The following FREM1 variants were observed in gnomAD, a reference collection of about 807,000 sequenced individuals.
FREM1 encodes FRAS1 related extracellular matrix 1.
Under a neutral mutation model 210.1 loss-of-function variants are expected in FREM1, and 220 were observed. The ratio of observed to expected loss-of-function variants is 1.05; its 90% CI spans 0.94 to 1.17. The LOEUF (loss-of-function observed/expected upper bound fraction) is 1.17. Ranked by LOEUF, FREM1 falls within the 50% of genes most tolerant of loss-of-function variation. FREM1 has a pLI of 0.00. For synonymous variants in FREM1, 1,189 were observed against 980.2 expected (o/e 1.21, Z -3.98); for missense variants, 3,454 against 2,675.5 (o/e 1.29, Z -6.42).
intron 10 of FREM1, among the ~76,000 whole-genome samples, chr9:14,829,721 C>T (rs1242216833): frequency 6.6e-6 from 1 of 152,158 alleles, no homozygotes; most frequent in African/African-American, 2.4e-5. Context: ...TTATAAATTA[C>T]CCAGTCTGTA....
At chr9:14,791,898 T>C (rs1030446567) in intron 22 of FREM1, among the ~76,000 whole-genome samples, 4 of 152,116 alleles carry the variant, frequency 2.6e-5, no homozygotes, top group Non-Finnish European at 4.4e-5. Context: ...AGCAGCACAA[T>C]CTCAGCTCAC....
intron 28 of FREM1, among the ~76,000 whole-genome samples, chr9:14,756,821 A>C (rs940504406): frequency 3.9e-5 from 6 of 152,150 alleles, no homozygotes; most frequent in Non-Finnish European, 7.4e-5. Flanking sequence ...AAAGAAAAGG[A>C]GGGAGAAAAT....
intron 28 of FREM1, among the ~76,000 whole-genome samples, chr9:14,757,248 C>T (rs1423357875): frequency 1.3e-5 from 2 of 152,140 alleles, no homozygotes; most frequent in Non-Finnish European, 1.5e-5. Context: ...AAAGGGTGCC[C>T]AAACACATGT....
At position 14,760,968 on chromosome 9, in the gene FREM1, T is replaced by C. The variant is rs540201001; in HGVS notation, c.5205-1067A>G. Among the ~76,000 whole-genome samples the C allele has an allele frequency of 4.0e-4, 61 of 152,356 alleles. 2 individuals are homozygous for C. Among genetic ancestry groups the C allele is most frequent in the Non-Finnish European group, 3.2e-4 (22 of 68,038 alleles). On this transcript the variant is annotated intron_variant, in intron 27 of 36. Transcript: ENST00000380880. The stretch of plus-strand genomic sequence containing the variant: ...TTTTTTATTCAGTTGCCTTTTATTC[T>C]AGATTTACAAAATCCTTAGTGGTTG...
intron 1 of FREM1, among the ~76,000 whole-genome samples, chr9:14,884,446 A>T (rs1050086551): frequency 6.6e-6 from 1 of 152,238 alleles, no homozygotes; most frequent in African/African-American, 2.4e-5. Flanking sequence ...AAACGCCAAT[A>T]AAGCTGTGTG....
At chr9:14,782,330 G>A (rs1281656732) in intron 24 of FREM1, 86 of 977,830 alleles carry the variant, frequency 8.8e-5, no homozygotes, top group Middle Eastern at 1.0e-3. Context: ...CGTTTCATAC[G>A]GAGGTTTTGT....
rs1344442871 is a variant in FREM1, at chr9:14,836,236, T to C, written c.1881+5211A>G. Among the ~76,000 whole-genome samples, 4 of 152,258 alleles carry C rather than the reference T, an allele frequency of 2.6e-5. No individual in the cohort carries two copies. The highest frequency in any genetic ancestry group is 5.9e-5 in the Non-Finnish European group (4 of 68,042). On this transcript the variant is annotated intron_variant, in intron 10 of 36. Coordinates refer to ENST00000380880, the MANE Select transcript of FREM1 (RefSeq NM_001379081.2). This position sits in a 1 kb window ranked among gnomAD's most constrained non-coding sequence, Gnocchi z 4.9. ...CTCACTCTACTATTTGCAATAGGGT[T>C]ATACACGGTAGCACCTTCAAACTAA...
In FREM1 at chr9:14,861,151, A is replaced by G. The variant is rs1436788439; in HGVS notation, c.330-1667T>C. Reference sequence around the variant, plus strand: ...TACACATATATACATATATACACATATATACGTATATACACATGTATGTAC... The same window carrying G: ...TACACATATATACATATATACACATGTATACGTATATACACATGTATGTAC... On this transcript the variant is annotated intron_variant, in intron 3 of 36. Coordinates refer to ENST00000380880, the MANE Select transcript of FREM1 (RefSeq NM_001379081.2). 7.6e-5 allele frequency among the ~76,000 whole-genome samples: 8 copies of G among 105,524 alleles called. 1 individual carries two copies. The highest frequency in any genetic ancestry group is 1.7e-4 in the African/African-American group (4 of 23,792). 69.2% of individuals were successfully genotyped at this position (105,524 alleles called of 152,430 possible). A position where few individuals can be genotyped will look rare whatever the true frequency, so the allele number is the denominator to read the frequency against.
intron 16 of FREM1, among the ~76,000 whole-genome samples, chr9:14,808,945 T>C (rs1386173581): frequency 6.6e-6 from 1 of 152,214 alleles, no homozygotes; most frequent in East Asian, 1.9e-4. Flanking sequence ...GTAATTCTCA[T>C]GCATCACCAT....
intron 23 of FREM1, among the ~76,000 whole-genome samples, chr9:14,787,889 T>C (rs1470387971): frequency 6.6e-6 from 1 of 152,144 alleles, no homozygotes; most frequent in Non-Finnish European, 1.5e-5. Flanking sequence ...AAATCACTCA[T>C]TAGACTTCTT....
At position 14,740,055 on chromosome 9, in the gene FREM1, T is replaced by A. The variant is rs183037932; in HGVS notation, c.6340+94A>T. The A allele has an allele frequency of 1.0e-4, 74 of 719,820 alleles. No individual in the cohort carries two copies. The East Asian group carries it at 1.9e-3, about 19-fold the overall frequency. 44.6% of individuals were successfully genotyped at this position (719,820 alleles called of 1,614,324 possible). A position where few individuals can be genotyped will look rare whatever the true frequency, so the allele number is the denominator to read the frequency against. ...TGCCTATTATTGTAAACCACTATCATTTAACCCATGGAAGGAAGTAGCAGG... is the reference window on the plus strand; with the variant it reads ...TGCCTATTATTGTAAACCACTATCAATTAACCCATGGAAGGAAGTAGCAGG... On this transcript the variant is annotated intron_variant, in intron 36 of 36. Coordinates refer to ENST00000380880, the MANE Select transcript of FREM1 (RefSeq NM_001379081.2).
chr9:14,833,918 C>A (rs1195217840), intron 10 of FREM1, among the ~76,000 whole-genome samples: 1 of 152,110 alleles, frequency 6.6e-6, no homozygotes, highest in African/African-American at 2.4e-5. Flanking sequence ...AGAGGAGGTG[C>A]CACAGACCCC....
intron 35 of FREM1, among the ~76,000 whole-genome samples, chr9:14,745,395 C>T (rs1264586366): frequency 1.3e-5 from 2 of 152,118 alleles, no homozygotes; most frequent in Admixed American, 6.6e-5. Flanking sequence ...TTTTGAGCAG[C>T]TTTTCATTTA....
chr9:14,805,239 T>C, intron 18 of FREM1, 87 bp from the exon 19 acceptor site: 1 of 680,284 alleles, frequency 1.5e-6, no homozygotes, highest in Admixed American at 2.7e-5. Context: ...TAATAGTCAA[T>C]TTCTCAGTAA....
At chr9:14,869,733 C>G (rs958531541) in intron 1 of FREM1, among the ~76,000 whole-genome samples, 2 of 152,218 alleles carry the variant, frequency 1.3e-5, no homozygotes, top group African/African-American at 4.8e-5. Flanking sequence ...ATTTATCACA[C>G]TGGGCACACT....
intron 25 of FREM1, 70 bp downstream of exon 25, chr9:14,775,707 CAAAAAAAAAAAA>C (rs35187926): frequency 2.7e-5 from 10 of 375,346 alleles, no homozygotes; most frequent in Admixed American, 1.3e-4. Context: ...GACTCCCTCT[CAAAAAAAAAAAA>C]AAAAAAAAAA....
chr9:14,815,740 C>A (rs1229111967), intron 15 of FREM1, among the ~76,000 whole-genome samples: 2 of 152,098 alleles, frequency 1.3e-5, no homozygotes, highest in Non-Finnish European at 2.9e-5. Flanking sequence ...CTCTGTCTCC[C>A]AGGTTCAAGC....
At position 14,750,268 on chromosome 9, in the gene FREM1, T is replaced by C. The variant is rs1843120542; in HGVS notation, c.5416A>G (p.Thr1806Ala). Residue 1806 changes from threonine to alanine, a missense_variant, in exon 30 of 37, where the codon ACT becomes GCT. Coordinates refer to ENST00000380880, the MANE Select transcript of FREM1 (RefSeq NM_001379081.2). ...KLIQFDPGMS[T>A]KMWNIAITYD... ...GTAATTGCTATATTCCACATCTTAGTTGACATTCCTACAAGAAGTAAACAT... is the reference window on the plus strand; with the variant it reads ...GTAATTGCTATATTCCACATCTTAGCTGACATTCCTACAAGAAGTAAACAT... The C allele has an allele frequency of 6.2e-7, 1 of 1,608,514 alleles. No homozygotes were observed. The highest frequency in any genetic ancestry group is 8.5e-7 in the Non-Finnish European group (1 of 1,176,448).
chr9:14,744,174 C>T (rs1842026589), intron 35 of FREM1, among the ~76,000 whole-genome samples: 1 of 152,026 alleles, frequency 6.6e-6, no homozygotes, highest in African/African-American at 2.4e-5. Flanking sequence ...ACATGAAATA[C>T]ACCAGTAGAG....
Sources: allele counts gnomAD v4.1 joint callset (sites outside exome capture counted in the v4.1 genomes callset), GRCh38; gene constraint gnomAD v4.1.1; non-coding constraint Gnocchi (gnomAD v3.1); transcripts MANE v1.5; gene names NCBI Gene and HGNC (gene_info 2026-07-23, HGNC 2026-07-21).